The following PARD6B variants were observed in gnomAD, a reference collection of about 807,000 sequenced individuals.
The protein encoded by PARD6B is par-6 family cell polarity regulator beta, also known as partitioning defective 6 homolog beta.
PARD6B carries 4 observed loss-of-function variants against 10.5 expected under a neutral mutation model. The ratio of observed to expected loss-of-function variants is 0.38; its 90% confidence interval spans 0.19 to 0.87. The LOEUF (loss-of-function observed/expected upper bound fraction) is 0.87. Among genes scored for constraint, PARD6B ranks in the 40% least tolerant of loss-of-function variants. The probability of loss-of-function intolerance (pLI) is 0.41; values close to 1 mark genes in which losing one functional copy is unlikely to be tolerated. For synonymous variants in PARD6B, 169 were observed against 170.4 expected, an observed-to-expected ratio of 0.99 and a Z score of 0.07; for missense variants, 396 against 470.6, an observed-to-expected ratio of 0.84 and a Z score of 1.47.
chr20:50,735,411 C>G (rs950516337), intron 1 of PARD6B, among the ~76,000 whole-genome samples: 2 of 152,068 alleles, frequency 1.3e-5, no homozygotes, highest in Non-Finnish European at 2.9e-5. Context: ...ATAAAATTTC[C>G]TAATTATTAT....
intron 2 of PARD6B, among the ~76,000 whole-genome samples, chr20:50,743,843 C>T (rs894095214): frequency 6.7e-6 from 1 of 149,440 alleles, no homozygotes; most frequent in South Asian, 2.1e-4. Flanking sequence ...GAGCCTAGAT[C>T]GCGCCACTGC....
chr20:50,749,655 A>G lies in PARD6B; in HGVS notation c.290-4A>G, dbSNP rs372107173. ...TATAATTATTTTGTTTTATTTTTAA[A>G]CAGAAGAAGCAGACTACAGTGCCTT... is the stretch of plus-strand genomic sequence containing the variant. On this transcript the variant is annotated splice_region_variant and splice_polypyrimidine_tract_variant and intron_variant, in intron 2 of 2. Coordinates refer to ENST00000371610, the MANE Select transcript of PARD6B (RefSeq NM_032521.3). 1.9e-6 allele frequency: 3 copies of G among 1,557,532 alleles called. No individual in the cohort carries two copies. Among genetic ancestry groups the G allele is most frequent in the South Asian group, 2.4e-5 (2 of 82,536 alleles).
rs1050913706 is a variant in PARD6B, at chr20:50,752,819, T to C, written c.*2331T>C. 2.0e-6 allele frequency: 2 copies of C among 977,658 alleles called. No homozygotes were observed. Among genetic ancestry groups the C allele is most frequent in the Middle Eastern group, 5.2e-4 (1 of 1,926 alleles). 60.6% of individuals were successfully genotyped at this position (977,658 alleles called of 1,614,324 possible). The stretch of plus-strand genomic sequence containing the variant: ...CAATGTATTTTGTTCACATTACCAC[T>C]AAGCATATTATCAGTAAACTATTAA... On this transcript the variant is annotated 3_prime_UTR_variant, in exon 3 of 3. Transcript: ENST00000371610.
intron 1 of PARD6B, among the ~76,000 whole-genome samples, chr20:50,735,159 TAAAA>T (rs919086109): frequency 1.3e-5 from 2 of 151,676 alleles, no homozygotes; most frequent in African/African-American, 4.8e-5. Context: ...CTCAAAAAAA[TAAAA>T]AAATGCAATA....
At chr20:50,748,923 T>C (rs965088187) in intron 2 of PARD6B, among the ~76,000 whole-genome samples, 7 of 152,204 alleles carry the variant, frequency 4.6e-5, no homozygotes, top group Admixed American at 4.6e-4. Flanking sequence ...CCTGTACTCC[T>C]AGCACATTGA....
At chr20:50,737,743 T>G in intron 1 of PARD6B, 114 bp from the exon 2 acceptor site, 1 of 703,904 alleles carries the variant, frequency 1.4e-6, no homozygotes, top group Non-Finnish European at 2.2e-6. Flanking sequence ...AGACAATCTT[T>G]CCTTAATTAA....
At chr20:50,741,563 T>G (rs1431769323) in intron 2 of PARD6B, among the ~76,000 whole-genome samples, 1 of 152,094 alleles carries the variant, frequency 6.6e-6, no homozygotes, top group Non-Finnish European at 1.5e-5. Flanking sequence ...CACTCTTTTT[T>G]TTGTGGAGTG....
At chr20:50,735,135 G>A (rs915456374) in intron 1 of PARD6B, among the ~76,000 whole-genome samples, 2 of 152,176 alleles carry the variant, frequency 1.3e-5, no homozygotes, top group Admixed American at 6.5e-5. Context: ...CTGGGTGACA[G>A]AGGGAGACTC....
rs2087599514 is a variant in PARD6B, at chr20:50,750,636, T to G, written c.*148T>G. Reference sequence around the variant, plus strand: ...GCTTACAATATTATTAAAGTAGTAGTTTGATAATTGTTAATATAAACTTTG... The same window carrying G: ...GCTTACAATATTATTAAAGTAGTAGGTTGATAATTGTTAATATAAACTTTG... On this transcript the variant is annotated 3_prime_UTR_variant, in exon 3 of 3. Coordinates refer to ENST00000371610, the MANE Select transcript of PARD6B (RefSeq NM_032521.3). 7.1e-7 allele frequency: 1 copy of G among 1,413,992 alleles called. No individual in the cohort carries two copies. The highest frequency in any genetic ancestry group is 2.5e-5 in the East Asian group (1 of 39,404). 87.6% of individuals were successfully genotyped at this position (1,413,992 alleles called of 1,614,324 possible).
Position 50,751,650 on chromosome 20 carries a change from A to G in PARD6B, c.*1162A>G. On this transcript the variant is annotated 3_prime_UTR_variant, in exon 3 of 3. Coordinates refer to ENST00000371610, the MANE Select transcript of PARD6B (RefSeq NM_032521.3). ...CGTGAGCCACCGCGCCCAGTTGTGC[A>G]TTTCTGGTTTCTAAGAATCAAACCA... The G allele has an allele frequency of 2.0e-6, 2 of 982,010 alleles. No homozygotes were observed. Among genetic ancestry groups the G allele is most frequent in the Non-Finnish European group, 2.4e-6 (2 of 829,292 alleles). 60.8% of individuals were successfully genotyped at this position (982,010 alleles called of 1,614,324 possible).
Position 50,753,087 on chromosome 20 carries a change from A to T in PARD6B, c.*2599A>T, listed in dbSNP as rs187709109. ...ACACTACCTCTCTCTTTTTTTTTTT[A>T]AAGTTTTAACATCAGAACTTTTGGG... On this transcript the variant is annotated 3_prime_UTR_variant, in exon 3 of 3. Coordinates refer to ENST00000371610, the MANE Select transcript of PARD6B (RefSeq NM_032521.3). 2,000 of 971,322 alleles carry T rather than the reference A, an allele frequency of 2.1e-3. 93 individuals are homozygous for T. The East Asian group carries it at 0.14, about 67-fold the overall frequency. The allele number at this position is 971,322 out of a possible 1,614,324, so 60.2% of individuals were successfully genotyped here. A position where few individuals can be genotyped will look rare whatever the true frequency, so the allele number is the denominator to read the frequency against.
Position 50,753,661 on chromosome 20 carries a change from A to G in PARD6B, c.*3173A>G. ...ATTATAAAGTGTACATTATCACTAA[A>G]TGAACTTCGATTTTAAAAATCAAAT... On this transcript the variant is annotated 3_prime_UTR_variant, in exon 3 of 3. Coordinates refer to ENST00000371610, the MANE Select transcript of PARD6B (RefSeq NM_032521.3). 2 of 768,188 alleles carry G rather than the reference A, an allele frequency of 2.6e-6. No individual in the cohort carries two copies. Among genetic ancestry groups the G allele is most frequent in the East Asian group, 1.3e-4 (1 of 7,844 alleles). The allele number at this position is 768,188 out of a possible 1,614,324, so 47.6% of individuals were successfully genotyped here.
chr20:50,747,297 T>C (rs2087572525), intron 2 of PARD6B, among the ~76,000 whole-genome samples: 2 of 152,112 alleles, frequency 1.3e-5, no homozygotes, highest in African/African-American at 4.8e-5. Context: ...ATGATAATAG[T>C]TTAGCAATGA....
intron 2 of PARD6B, among the ~76,000 whole-genome samples, chr20:50,744,047 C>T (rs1018276582): frequency 6.6e-6 from 1 of 151,556 alleles, no homozygotes; most frequent in South Asian, 2.1e-4. Flanking sequence ...GATTTGTCTC[C>T]CCATTTCCAT....
rs150961072 is a variant in PARD6B, at chr20:50,741,738, G to A, written c.289+3659G>A. ...TTTTTTTGTATTGTTAGTAGAGACGGGATTTCACTGTGTTAGCCAGGATGG... is the reference window on the plus strand; with the variant it reads ...TTTTTTTGTATTGTTAGTAGAGACGAGATTTCACTGTGTTAGCCAGGATGG... On this transcript the variant is annotated intron_variant, in intron 2 of 2. Coordinates refer to ENST00000371610, the MANE Select transcript of PARD6B (RefSeq NM_032521.3). Among the ~76,000 whole-genome samples the A allele has an allele frequency of 3.5e-3, 528 of 152,048 alleles. 1 individual carries two copies. The highest frequency in any genetic ancestry group is 0.011 in the African/African-American group (471 of 41,486).
At position 50,734,686 on chromosome 20, in the gene PARD6B, AT is replaced by A. The variant is rs201149764; in HGVS notation, c.66+2843del. 9.3e-4 allele frequency among the ~76,000 whole-genome samples: 140 copies of A among 150,424 alleles called. 1 individual carries two copies. The highest frequency in any genetic ancestry group is 3.3e-3 in the African/African-American group (137 of 40,946). Reference sequence around the variant, plus strand: ...GTCCATTTTTCTCTTACTATTTTCAATTTTTTTTTATCTTTTTAGAGACAGG... The same window carrying A: ...GTCCATTTTTCTCTTACTATTTTCAATTTTTTTTATCTTTTTAGAGACAGG... On this transcript the variant is annotated intron_variant, in intron 1 of 2. Coordinates refer to ENST00000371610, the MANE Select transcript of PARD6B (RefSeq NM_032521.3).
chr20:50,741,798 G>A (rs1318062847), intron 2 of PARD6B, among the ~76,000 whole-genome samples: 4 of 152,002 alleles, frequency 2.6e-5, no homozygotes, highest in African/African-American at 7.2e-5. Flanking sequence ...CGCCCGTCTC[G>A]GCCTCCCAAA....
intron 2 of PARD6B, among the ~76,000 whole-genome samples, chr20:50,738,427 G>A (rs2087511775): frequency 6.6e-6 from 1 of 152,212 alleles, no homozygotes; most frequent in African/African-American, 2.4e-5. Flanking sequence ...AATGTGAAAA[G>A]AGTGTGACTT....
At chr20:50,746,269 G>A (rs2087567272) in intron 2 of PARD6B, among the ~76,000 whole-genome samples, 2 of 152,304 alleles carry the variant, frequency 1.3e-5, no homozygotes, top group South Asian at 2.1e-4. Flanking sequence ...TGCAGGATAA[G>A]TGAAGAACAG....
Sources: gnomAD v4.1 joint callset for allele counts (sites outside exome capture counted in the v4.1 genomes callset) on GRCh38, gnomAD v4.1.1 for gene constraint, MANE v1.5 for transcripts, NCBI Gene and HGNC (gene_info 2026-07-23, HGNC 2026-07-21) for gene names.